Variants in KLF12 observed in about 807,000 individuals in gnomAD.
The protein encoded by KLF12 is Krueppel-like factor 12.
In KLF12, 9 loss-of-function variants were observed where a neutral mutation model predicts 37.8. That is an observed-to-expected ratio of 0.24 (90% confidence interval 0.14 to 0.42). The LOEUF is 0.42. Among genes scored for constraint, KLF12 ranks in the 10% least tolerant of loss-of-function variants. KLF12 has a pLI of 1.00. For missense variants in KLF12, 411 were observed against 516.0 expected (o/e 0.80, Z 1.97); for synonymous variants, 208 against 202.1 (o/e 1.03, Z -0.25).
intron 1 of KLF12, among the ~76,000 whole-genome samples, chr13:74,046,342 G>T (rs1893542165): frequency 1.3e-5 from 2 of 152,042 alleles, no homozygotes; most frequent in South Asian, 4.1e-4. Flanking sequence ...AAAAATTCCT[G>T]CCTTGCCTTC....
chr13:73,713,819 T>C (rs1411821052), intron 7 of KLF12, among the ~76,000 whole-genome samples: 1 of 152,168 alleles, frequency 6.6e-6, no homozygotes, highest in African/African-American at 2.4e-5. Flanking sequence ...AGTGGAGGTG[T>C]CTGTGTGAAA....
chr13:73,849,632 T>C (rs1885223027), intron 3 of KLF12, among the ~76,000 whole-genome samples: 1 of 151,980 alleles, frequency 6.6e-6, no homozygotes, highest in Non-Finnish European at 1.5e-5. Flanking sequence ...ATAAGAACAC[T>C]GAAAAGAGGA....
At chr13:74,121,357 A>C (rs1877624682) in intron 1 of KLF12, among the ~76,000 whole-genome samples, 1 of 152,082 alleles carries the variant, frequency 6.6e-6, no homozygotes, top group Non-Finnish European at 1.5e-5. Context: ...GAAGAGAATG[A>C]AAAACTTCCC....
chr13:73,841,753 A>G (rs1004888412), intron 4 of KLF12, among the ~76,000 whole-genome samples: 2 of 152,168 alleles, frequency 1.3e-5, no homozygotes, highest in African/African-American at 2.4e-5. Flanking sequence ...CACCAACGTA[A>G]TAACAAAACT....
intron 1 of KLF12, among the ~76,000 whole-genome samples, chr13:74,008,746 C>T (rs1043233998): frequency 6.6e-6 from 1 of 152,142 alleles, no homozygotes; most frequent in Non-Finnish European, 1.5e-5. Context: ...TGTACATGCA[C>T]AAGTCTGCAA....
At chr13:73,868,606 G>A (rs1027432226) in intron 3 of KLF12, among the ~76,000 whole-genome samples, 1 of 151,932 alleles carries the variant, frequency 6.6e-6, no homozygotes, top group African/African-American at 2.4e-5. Flanking sequence ...GGCCAGGCTG[G>A]TCTCTCGAAC....
chr13:74,098,537 T>A (rs1876115301), intron 1 of KLF12, among the ~76,000 whole-genome samples: 1 of 152,208 alleles, frequency 6.6e-6, no homozygotes, highest in African/African-American at 2.4e-5. Flanking sequence ...CTGTAGAAGA[T>A]GATTTCTAAA....
At chr13:73,909,712 A>G (rs1279557775) in intron 3 of KLF12, among the ~76,000 whole-genome samples, 1 of 152,202 alleles carries the variant, frequency 6.6e-6, no homozygotes, top group African/African-American at 2.4e-5. Flanking sequence ...CTAGGTCCCA[A>G]CAAACTTACG....
intron 4 of KLF12, among the ~76,000 whole-genome samples, chr13:73,835,530 TGA>T (rs1441211011): frequency 2.7e-5 from 4 of 150,078 alleles, no homozygotes; most frequent in Admixed American, 2.0e-4. Context: ...GGAGGGAAGG[TGA>T]GAGAAAAAAG....
the KLF12 span, among the ~76,000 whole-genome samples, chr13:74,172,860 C>T: frequency 2.8e-4 from 43 of 152,148 alleles, 1 homozygote; most frequent in African/African-American, 9.4e-4. Context: ...ATAAAAAATA[C>T]CTGCCTCAGG....
chr13:74,261,773 A>G, the KLF12 span, among the ~76,000 whole-genome samples: 3 of 152,222 alleles, frequency 2.0e-5, no homozygotes, highest in Admixed American at 1.3e-4. Flanking sequence ...CTATGAAGCC[A>G]TTTGTCTCTA....
chr13:73,980,290 G>C (rs1036783206), intron 2 of KLF12, among the ~76,000 whole-genome samples: 1 of 152,086 alleles, frequency 6.6e-6, no homozygotes, highest in South Asian at 2.1e-4. Flanking sequence ...AGATAAATGG[G>C]TTCTACCAAA....
intron 2 of KLF12, among the ~76,000 whole-genome samples, chr13:73,961,179 C>T (rs1891012177): frequency 1.3e-5 from 2 of 152,162 alleles, no homozygotes; most frequent in African/African-American, 4.8e-5. Flanking sequence ...GATTATATAA[C>T]AATATTGGAA....
chr13:73,945,198 G>C (rs1214023397), intron 2 of KLF12, among the ~76,000 whole-genome samples: 1 of 152,226 alleles, frequency 6.6e-6, no homozygotes, highest in African/African-American at 2.4e-5. Flanking sequence ...GCCAGGCACA[G>C]TGGCTCACGC....
At chr13:73,954,128 G>A (rs548303142) in intron 2 of KLF12, among the ~76,000 whole-genome samples, 3 of 151,332 alleles carry the variant, frequency 2.0e-5, no homozygotes, top group East Asian at 1.9e-4. Context: ...ACAGGCACCC[G>A]CCACCACGCC....
the KLF12 span, among the ~76,000 whole-genome samples, chr13:74,248,802 GA>G: frequency 3.0e-3 from 455 of 152,258 alleles, 3 homozygotes; most frequent in African/African-American, 0.011. Context: ...TTTACCAAAT[GA>G]GCATGCAAAG....
chr13:73,849,407 G>T (rs1885206751), intron 3 of KLF12, among the ~76,000 whole-genome samples: 1 of 145,272 alleles, frequency 6.9e-6, no homozygotes, highest in Non-Finnish European at 1.5e-5. Context: ...AAAAGCATTG[G>T]TTCTGAGATT....
chr13:74,260,553 CTAAAA>C, the KLF12 span, among the ~76,000 whole-genome samples: 9 of 101,682 alleles, frequency 8.9e-5, no homozygotes, highest in Non-Finnish European at 1.5e-4. Flanking sequence ...AACACTGTTT[CTAAAA>C]TAAAATAAAA....
At chr13:73,817,587 A>T (rs1192958620) in intron 4 of KLF12, among the ~76,000 whole-genome samples, 3 of 152,228 alleles carry the variant, frequency 2.0e-5, no homozygotes, top group Admixed American at 1.3e-4. Flanking sequence ...AGTTTGGCCT[A>T]AAGTTTCTTC....
Sources: allele counts gnomAD v4.1 joint callset (sites outside exome capture counted in the v4.1 genomes callset), GRCh38; gene constraint gnomAD v4.1.1; transcripts MANE v1.5; gene names NCBI Gene and HGNC (gene_info 2026-07-23, HGNC 2026-07-21).